The following ELF4 variants were observed in gnomAD, a reference collection of about 807,000 sequenced individuals.
ELF4 encodes ETS-related transcription factor Elf-4.
Under a neutral mutation model 31.7 loss-of-function variants are expected in ELF4, and 10 were observed. That is an observed-to-expected ratio of 0.32 (90% CI 0.19 to 0.54). The LOEUF (loss-of-function observed/expected upper bound fraction) is 0.54, where lower values mean the gene tolerates loss of function less well. ELF4 is among the 20% of genes least tolerant of loss of function. The probability of loss-of-function intolerance (pLI) is 0.95; values close to 1 mark genes in which losing one functional copy is unlikely to be tolerated. For synonymous variants in ELF4, 208 were observed against 226.7 expected (o/e 0.92, Z 0.74); for missense variants, 418 against 522.0 (o/e 0.80, Z 1.94).
At chrX:130,107,432 T>G (rs1373830406) in intron 1 of ELF4, among the ~76,000 whole-genome samples, 1 of 111,594 alleles carries the variant, frequency 9.0e-6, no homozygotes, top group Non-Finnish European at 1.9e-5. Context: ...CCCCCAAGTC[T>G]AGGGTGCTTG....
chrX:130,064,241 C>A lies in ELF4; in HGVS notation c.*2480G>T, dbSNP rs753220509. Among the ~76,000 whole-genome samples the A allele has an allele frequency of 4.9e-4, 54 of 110,963 alleles. No homozygotes were observed. The highest frequency in any genetic ancestry group is 1.6e-3 in the African/African-American group (48 of 30,564). ...TCACCTGAGGCCAGGAGTTCGAGACCAGCCTGGCCGAAATGGTGAAACCCT... is the reference window on the plus strand; with the variant it reads ...TCACCTGAGGCCAGGAGTTCGAGACAAGCCTGGCCGAAATGGTGAAACCCT... On this transcript the variant is annotated 3_prime_UTR_variant, in exon 9 of 9. Coordinates refer to ENST00000308167, the MANE Select transcript of ELF4 (RefSeq NM_001421.4).
chrX:130,094,024 G>C (rs1395088049), intron 1 of ELF4, among the ~76,000 whole-genome samples: 1 of 111,574 alleles, frequency 9.0e-6, no homozygotes, highest in Non-Finnish European at 1.9e-5. Context: ...TTGAGGTCAG[G>C]AGTTCAAGAC....
intron 4 of ELF4, among the ~76,000 whole-genome samples, chrX:130,072,860 C>T (rs1286738032): frequency 9.0e-6 from 1 of 111,420 alleles, no homozygotes; most frequent in Non-Finnish European, 1.9e-5. Flanking sequence ...AATAGGCACC[C>T]ATTATTGGAT....
At chrX:130,089,537 A>AC (rs1933020241) in intron 1 of ELF4, among the ~76,000 whole-genome samples, 2 of 104,942 alleles carry the variant, frequency 1.9e-5, no homozygotes, top group Admixed American at 1.0e-4. Context: ...AAAAAAAAAA[A>AC]CACCTCTCCT....
At chrX:130,070,431 C>T (rs1013185868) in intron 7 of ELF4, among the ~76,000 whole-genome samples, 74 of 109,997 alleles carry the variant, frequency 6.7e-4, no homozygotes, top group African/African-American at 2.4e-3. Flanking sequence ...AAAAATTAGC[C>T]GGGCGTGGTG....
rs766119536 is a variant in ELF4, at chrX:130,064,042, C to T, written c.*2679G>A. ...TAAGTTCTGGGATACATGTGCAGAA[C>T]GTGCAGGTTTGTTACATAGGTATAC... On this transcript the variant is annotated 3_prime_UTR_variant, in exon 9 of 9. Coordinates refer to ENST00000308167, the MANE Select transcript of ELF4 (RefSeq NM_001421.4). Among the ~76,000 whole-genome samples the T allele has an allele frequency of 7.5e-5, 8 of 107,139 alleles. No individual in the cohort carries two copies. The highest frequency in any genetic ancestry group is 1.3e-4 in the Non-Finnish European group (7 of 52,050). 93.0% of individuals were successfully genotyped at this position (107,139 alleles called of 115,157 possible).
intron 8 of ELF4, 95 bp from the exon 9 acceptor site, chrX:130,067,620 T>G: frequency 1.1e-6 from 1 of 929,460 alleles, no homozygotes; most frequent in Non-Finnish European, 1.5e-6. Flanking sequence ...TGAAGGTGTT[T>G]GTCGATTTAT....
In ELF4 at chrX:130,067,316, T is replaced by C; in HGVS notation, c.1397A>G (p.Asn466Ser). 1 of 1,211,660 alleles carries C rather than the reference T, an allele frequency of 8.3e-7. No homozygotes were observed. The highest frequency in any genetic ancestry group is 1.1e-6 in the Non-Finnish European group (1 of 895,409). Residue 466 changes from asparagine to serine, a missense_variant, in exon 9 of 9, where the codon AAC becomes AGC. By Grantham distance (46) the Asn-to-Ser change is conservative (BLOSUM62 1). Transcript: ENST00000308167. ...CACCTGGCTGTCTTGGAAACTGGCG[T>C]TCAGGGGGAAAGAGGCCTGCAAAGT... Reference protein sequence around the residue: ...TFTLQASFPLNASFQDSQVAA... With the variant: ...TFTLQASFPLSASFQDSQVAA...
Position 130,065,059 on chromosome X carries a change from G to GTGA in ELF4, c.*1659_*1661dup. ...GCAGGGAGAAGAAGAGTAGGAGAGG[G>GTGA]TGATAGTTGTTGGCTTAACAAAGAA... On this transcript the variant is annotated 3_prime_UTR_variant, in exon 9 of 9. Coordinates refer to ENST00000308167, the MANE Select transcript of ELF4 (RefSeq NM_001421.4). 5.7e-6 allele frequency: 1 copy of GTGA among 174,486 alleles called. No individual in the cohort carries two copies. The allele number at this position is 174,486 out of a possible 1,213,427, so 14.4% of individuals were successfully genotyped here. A position where few individuals can be genotyped will look rare whatever the true frequency, so the allele number is the denominator to read the frequency against.
intron 1 of ELF4, among the ~76,000 whole-genome samples, chrX:130,098,109 T>A (rs187197653): frequency 8.9e-6 from 1 of 112,262 alleles, no homozygotes; most frequent in Admixed American, 9.4e-5. Flanking sequence ...GGAGCCCCCC[T>A]GAGCCATGGG....
At chrX:130,111,134 T>G (rs1603214868), upstream of ELF4, among the ~76,000 whole-genome samples, 1 of 105,461 alleles carries the variant, frequency 9.5e-6, no homozygotes, top group Admixed American at 9.8e-5. Flanking sequence ...GGCCTCTCAT[T>G]CCCCTCGCGG....
rs962396403 is a variant in ELF4, at chrX:130,065,212, C to T, written c.*1509G>A. 5.2e-5 allele frequency: 9 copies of T among 173,730 alleles called. No homozygotes were observed. Among genetic ancestry groups the T allele is most frequent in the Admixed American group, 3.2e-4 (4 of 12,592 alleles). The allele number at this position is 173,730 out of a possible 1,213,427, so 14.3% of individuals were successfully genotyped here. On this transcript the variant is annotated 3_prime_UTR_variant, in exon 9 of 9. Coordinates refer to ENST00000308167, the MANE Select transcript of ELF4 (RefSeq NM_001421.4). ...AGTCACCAGATAATAGAGTTGTTTC[C>T]GTGGCTGACATTTCTTAGCCTTGCC...
intron 2 of ELF4, among the ~76,000 whole-genome samples, chrX:130,077,077 G>C (rs1434000726): frequency 1.8e-5 from 2 of 110,988 alleles, no homozygotes; most frequent in South Asian, 7.6e-4. Context: ...TAAGCAGTTG[G>C]GTATAGTGAT....
chrX:130,103,979 G>A (rs1434231677), intron 1 of ELF4, among the ~76,000 whole-genome samples: 5 of 112,092 alleles, frequency 4.5e-5, no homozygotes, highest in Non-Finnish European at 9.4e-5. Flanking sequence ...AAGGCCTCTG[G>A]GCATTGGCCC....
intron 4 of ELF4, 136 bp downstream of exon 4, chrX:130,073,913 A>C: frequency 1.6e-6 from 1 of 612,874 alleles, no homozygotes; most frequent in Non-Finnish European, 2.7e-6. Flanking sequence ...AAAAGATAAA[A>C]GTCATATGTA....
intron 1 of ELF4, among the ~76,000 whole-genome samples, chrX:130,084,597 G>A (rs1226462625): frequency 4.5e-5 from 5 of 111,671 alleles, no homozygotes; most frequent in South Asian, 7.5e-4. Flanking sequence ...CCCAGCACCC[G>A]AGGCTCATCC....
chrX:130,071,418 G>T lies in ELF4; in HGVS notation c.534C>A (p.Ile178=). Residue 178 remains isoleucine, a splice_region_variant and synonymous_variant, in exon 6 of 9, where the codon ATC becomes ATA. Coordinates refer to ENST00000308167, the MANE Select transcript of ELF4 (RefSeq NM_001421.4). Reference sequence around the variant, plus strand: ...TACTTCGGTTGCCCTTGGTCTTCCGGACTATGAGGGAAAGGTGAGTAGGAT... The same window carrying T: ...TACTTCGGTTGCCCTTGGTCTTCCGTACTATGAGGGAAAGGTGAGTAGGAT... ...AKKTGKSKKR[I]RKTKGNRSTS... The T allele has an allele frequency of 8.3e-7, 1 of 1,210,433 alleles. No individual in the cohort carries two copies. Among genetic ancestry groups the T allele is most frequent in the Middle Eastern group, 2.4e-4 (1 of 4,171 alleles).
chrX:130,072,542 G>T, intron 4 of ELF4, 125 bp from the exon 5 acceptor site: 1 of 650,573 alleles, frequency 1.5e-6, no homozygotes, highest in Non-Finnish European at 2.4e-6. Flanking sequence ...CCCAGACACA[G>T]GATACACCTG....
chrX:130,074,174 A>G lies in ELF4; in HGVS notation c.248-33T>C, dbSNP rs201763154. On this transcript the variant is annotated intron_variant, in intron 3 of 8. Transcript: ENST00000308167. Reference sequence around the variant, plus strand: ...GGGTTCCATGGTGGGAGGAGAGAAGAAAAGTTCCCTCAGGGCACAAGGCAG... The same window carrying G: ...GGGTTCCATGGTGGGAGGAGAGAAGGAAAGTTCCCTCAGGGCACAAGGCAG... The G allele has an allele frequency of 8.4e-6, 10 of 1,187,580 alleles. No individual in the cohort carries two copies. In the East Asian group the frequency reaches 3.0e-4, roughly 35 times the overall value.
Sources: gnomAD v4.1 joint callset for allele counts (sites outside exome capture counted in the v4.1 genomes callset) on GRCh38, gnomAD v4.1.1 for gene constraint, MANE v1.5 for transcripts, NCBI Gene and HGNC (gene_info 2026-07-23, HGNC 2026-07-21) for gene names.